GLB1L2: variants seen among roughly 807,000 people sequenced by gnomAD.
GLB1L2 encodes galactosidase beta 1 like 2, also known as beta-galactosidase-1-like protein 2.
Under a neutral mutation model 84.1 loss-of-function variants are expected in GLB1L2, and 68 were observed. The observed-to-expected ratio is 0.81, with a 90% CI of 0.67 to 0.99. The LOEUF is 0.99. Ranked by LOEUF, GLB1L2 falls within the 50% of genes least tolerant of loss-of-function variation. The probability of loss-of-function intolerance (pLI) is 0.00; values close to 1 mark genes in which losing one functional copy is unlikely to be tolerated. For synonymous variants in GLB1L2, 290 were observed against 318.0 expected, an observed-to-expected ratio of 0.91 and a Z score of 0.94; for missense variants, 762 against 805.6, an observed-to-expected ratio of 0.95 and a Z score of 0.66.
At chr11:134,340,744 T>C (rs948527623) in intron 1 of GLB1L2, among the ~76,000 whole-genome samples, 2 of 152,240 alleles carry the variant, frequency 1.3e-5, no homozygotes, top group Non-Finnish European at 2.9e-5. Flanking sequence ...AGTACTCAAC[T>C]GCAAAAAGCC....
chr11:134,364,838 G>C (rs1290864158), intron 8 of GLB1L2: 2 of 159,112 alleles, frequency 1.3e-5, no homozygotes, highest in Non-Finnish European at 2.8e-5. Context: ...GGTGCGGAGA[G>C]AGGGAGGAGT....
rs1053317250 is a variant in GLB1L2 at position 134,371,271 on chromosome 11, C to G, written c.1356+123C>G. The G allele has an allele frequency of 2.2e-6, 3 of 1,343,864 alleles. No individual in the cohort carries two copies. In the African/African-American group the frequency reaches 4.3e-5, roughly 19 times the overall value. 83.2% of individuals were successfully genotyped at this position (1,343,864 alleles called of 1,614,324 possible). On this transcript the variant is annotated intron_variant, in intron 13 of 18. Coordinates refer to ENST00000535456, the MANE Select transcript of GLB1L2 (RefSeq NM_001370461.1). ...TGACAATGGCCCTTCTGAGTCAGCT[C>G]TGTGAGCCTTCAGGGGGCATTCATG...
chr11:134,375,107 C>A lies in GLB1L2; in HGVS notation c.*49C>A. 1 of 1,502,912 alleles carries A rather than the reference C, an allele frequency of 6.7e-7. No homozygotes were observed. Among genetic ancestry groups the A allele is most frequent in the Non-Finnish European group, 9.2e-7 (1 of 1,087,280 alleles). The allele number at this position is 1,502,912 out of a possible 1,614,324, so 93.1% of individuals were successfully genotyped here. A position where few individuals can be genotyped will look rare whatever the true frequency, so the allele number is the denominator to read the frequency against. ...TGCCAGTGGGAGACTGCCGCCTCCT[C>A]TTGACCTGAAGCCTGGTGGCTGCTG... On this transcript the variant is annotated 3_prime_UTR_variant, in exon 19 of 19. Coordinates refer to ENST00000535456, the MANE Select transcript of GLB1L2 (RefSeq NM_001370461.1).
rs1483053133 is a variant in GLB1L2 at position 134,369,736 on chromosome 11, C to G, written c.1028-69C>G. 2.9e-6 allele frequency: 4 copies of G among 1,401,830 alleles called. No individual in the cohort carries two copies. In the African/African-American group the frequency reaches 5.7e-5, roughly 20 times the overall value. The allele number at this position is 1,401,830 out of a possible 1,614,324, so 86.8% of individuals were successfully genotyped here. On this transcript the variant is annotated intron_variant, in intron 10 of 18. Coordinates refer to ENST00000535456, the MANE Select transcript of GLB1L2 (RefSeq NM_001370461.1). Reference sequence around the variant, plus strand: ...GACCTGTGGCCCTTCCAAGCTTCTCCCTGTTCTTCGTGCTACATGTGCTGT... The same window carrying G: ...GACCTGTGGCCCTTCCAAGCTTCTCGCTGTTCTTCGTGCTACATGTGCTGT...
rs761153992 is a variant in GLB1L2 at position 134,342,787 on chromosome 11, C to T, written c.120C>T (p.Leu40=). The T allele has an allele frequency of 1.3e-5, 21 of 1,613,888 alleles. No individual in the cohort carries two copies. The highest frequency in any genetic ancestry group is 8.0e-5 in the African/African-American group (6 of 74,944). Residue 40 remains leucine (L), a synonymous_variant, in exon 2 of 19, where the codon CTC becomes CTT. Transcript: ENST00000535456. Reference sequence around the variant, plus strand: ...GGAGCACCCTGGTCCCTCTGCGGCTCCGCCATCGACAGCTGGGGCTGCAGG... The same window carrying T: ...GGAGCACCCTGGTCCCTCTGCGGCTTCGCCATCGACAGCTGGGGCTGCAGG... The part of the protein sequence containing the change: ...LDWSTLVPLR[L]RHRQLGLQAK...
Position 134,376,292 on chromosome 11 carries a change from T to A in GLB1L2, c.*1234T>A, listed in dbSNP as rs1944022968. 1 of 152,276 alleles carries A rather than the reference T, an allele frequency of 6.6e-6. No individual in the cohort carries two copies. Among genetic ancestry groups the A allele is most frequent in the East Asian group, 1.9e-4 (1 of 5,194 alleles). 9.4% of individuals were successfully genotyped at this position (152,276 alleles called of 1,614,324 possible). A position where few individuals can be genotyped will look rare whatever the true frequency, so the allele number is the denominator to read the frequency against. ...AACACCTGGCTTGGGCTCACTGTCC[T>A]GAGTTGCAGTAAAGCTATAACCTTG... On this transcript the variant is annotated 3_prime_UTR_variant, in exon 19 of 19. Transcript: ENST00000535456.
chr11:134,365,827 G>T (rs1201260110), intron 8 of GLB1L2, among the ~76,000 whole-genome samples: 1 of 152,150 alleles, frequency 6.6e-6, no homozygotes, highest in Non-Finnish European at 1.5e-5. Flanking sequence ...CAGGCCTCCA[G>T]GTGTGCTCCA....
intron 15 of GLB1L2, among the ~76,000 whole-genome samples, chr11:134,373,364 G>T (rs986214034): frequency 6.6e-6 from 1 of 152,132 alleles, no homozygotes; most frequent in African/African-American, 2.4e-5. Context: ...TGTAGCTTGG[G>T]CCCCACTGAA....
chr11:134,344,744 A>G (rs1266829082), intron 3 of GLB1L2, among the ~76,000 whole-genome samples: 2 of 152,232 alleles, frequency 1.3e-5, no homozygotes, highest in African/African-American at 4.8e-5. Context: ...GGGCTGGGGC[A>G]GGGCGGCCCC....
chr11:134,374,537 C>T (rs1459531648), intron 17 of GLB1L2, 65 bp from the exon 18 acceptor site: 7 of 1,271,394 alleles, frequency 5.5e-6, no homozygotes, highest in Non-Finnish European at 8.0e-6. Flanking sequence ...AGCACGCATG[C>T]ATGTCTCCCT....
chr11:134,368,847 G>T, intron 10 of GLB1L2, 66 bp downstream of exon 10: 1 of 1,569,662 alleles, frequency 6.4e-7, no homozygotes, highest in Admixed American at 1.8e-5. Context: ...ACTTGCTATG[G>T]AGAGGCCCTC....
chr11:134,374,644 G>A lies in GLB1L2; in HGVS notation c.1750G>A (p.Gly584Arg). 1 of 1,614,084 alleles carries A rather than the reference G, an allele frequency of 6.2e-7. No homozygotes were observed. Among genetic ancestry groups the A allele is most frequent in the Non-Finnish European group, 8.5e-7 (1 of 1,179,990 alleles). ...TGTATTCATCAATGGCCAGAACCTT[G>A]GACGTTACTGGAACATTGGACCCCA... ...GVVFINGQNL[G>R]RYWNIGPQKT... The change falls in exon 18 of 19, where the codon GGA becomes AGA. Residue 584 changes from glycine (G) to arginine (R), a missense_variant. By Grantham distance (125) the Gly-to-Arg change is moderately radical (BLOSUM62 -2). This residue lies in a region of GLB1L2 where 603 missense variants were observed against 611.7 expected (regional missense o/e 0.99). Coordinates refer to ENST00000535456, the MANE Select transcript of GLB1L2 (RefSeq NM_001370461.1).
intron 18 of GLB1L2, 59 bp from the exon 19 acceptor site, chr11:134,374,913 C>T: frequency 3.3e-6 from 5 of 1,526,510 alleles, no homozygotes; most frequent in Non-Finnish European, 4.5e-6. Context: ...CCTCTCAGCA[C>T]CTCCCCTGGC....
intron 8 of GLB1L2, among the ~76,000 whole-genome samples, chr11:134,365,604 C>T (rs77172607): frequency 0.026 from 3,962 of 152,306 alleles, 189 homozygotes; most frequent in African/African-American, 0.091. Context: ...GTGCCTAGCA[C>T]AGCAGCTGAT....
At chr11:134,350,944 C>T (rs1943621350) in intron 5 of GLB1L2, among the ~76,000 whole-genome samples, 1 of 152,156 alleles carries the variant, frequency 6.6e-6, no homozygotes, top group Admixed American at 6.5e-5. Flanking sequence ...TGGGGATGTG[C>T]ACTGTTTTCT....
intron 2 of GLB1L2, among the ~76,000 whole-genome samples, chr11:134,343,241 C>G (rs1943496703): frequency 6.6e-6 from 1 of 152,152 alleles, no homozygotes; most frequent in Non-Finnish European, 1.5e-5. Flanking sequence ...TTTTGTGTTA[C>G]AAGCAGTCTT....
chr11:134,351,174 GC>G lies in GLB1L2; in HGVS notation c.558+3743del, dbSNP rs560153009. ...GTTGACTGTGGGCTTTCTGTATGGG[GC>G]CTTTACTATGTTGAGGTAGTTTCCT... On this transcript the variant is annotated intron_variant, in intron 5 of 18. Transcript: ENST00000535456. Among the ~76,000 whole-genome samples, 191 of 152,312 alleles carry G rather than the reference GC, an allele frequency of 1.3e-3. 1 individual carries two copies. Among genetic ancestry groups the G allele is most frequent in the Non-Finnish European group, 2.3e-3 (155 of 68,030 alleles).
intron 15 of GLB1L2, among the ~76,000 whole-genome samples, chr11:134,372,203 G>C (rs769184370): frequency 6.6e-6 from 1 of 152,134 alleles, no homozygotes; most frequent in African/African-American, 2.4e-5. Context: ...CTGCCTTCTT[G>C]GGCCTCCACA....
intron 6 of GLB1L2, among the ~76,000 whole-genome samples, chr11:134,357,851 A>C (rs1045366332): frequency 6.6e-6 from 1 of 152,234 alleles, no homozygotes; most frequent in African/African-American, 2.4e-5. Flanking sequence ...TCTGGTGCTC[A>C]GGCGGGAGCA....
Sources: allele counts gnomAD v4.1 joint callset (sites outside exome capture counted in the v4.1 genomes callset), GRCh38; gene constraint gnomAD v4.1.1; regional missense constraint gnomAD v4.1.1; transcripts MANE v1.5; gene names NCBI Gene and HGNC (gene_info 2026-07-23, HGNC 2026-07-21).